The following PM20D2 variants were observed in gnomAD, a reference collection of about 807,000 sequenced individuals.
PM20D2 encodes xaa-Arg dipeptidase.
In PM20D2, 33 loss-of-function variants were observed where a neutral mutation model predicts 42.9. The ratio of observed to expected loss-of-function variants is 0.77; its 90% CI spans 0.58 to 1.03. The LOEUF (loss-of-function observed/expected upper bound fraction) is 1.03, where lower values mean the gene tolerates loss of function less well. PM20D2 is among the 50% of genes least tolerant of loss of function. The pLI is 0.00. For missense variants in PM20D2, 548 were observed against 557.0 expected (o/e 0.98, Z 0.16); for synonymous variants, 250 against 228.2 (o/e 1.10, Z -0.86).
chr6:89,124,300 C>A, the PM20D2 span, among the ~76,000 whole-genome samples: 1 of 152,186 alleles, frequency 6.6e-6, no homozygotes, highest in African/African-American at 2.4e-5. Context: ...AGTTTTAACT[C>A]TCACACTATG....
At chr6:89,122,426 C>T in the PM20D2 span, among the ~76,000 whole-genome samples, 2 of 152,114 alleles carry the variant, frequency 1.3e-5, no homozygotes, top group Non-Finnish European at 2.9e-5. Flanking sequence ...GCAATACATA[C>T]GATATTTGTT....
chr6:89,145,064 A>G (rs1335919550), upstream of PM20D2, among the ~76,000 whole-genome samples: 3 of 152,244 alleles, frequency 2.0e-5, no homozygotes, highest in African/African-American at 7.2e-5. Flanking sequence ...CCCATTTAAC[A>G]TAGTTGAGAC....
At chr6:89,117,750 CG>C in the PM20D2 span, 1 of 1,435,138 alleles carries the variant, frequency 7.0e-7, no homozygotes, top group Non-Finnish European at 9.2e-7. Flanking sequence ...CGCCGGGCCT[CG>C]GCCGTGCTCC....
the PM20D2 span, chr6:89,107,178 C>A: frequency 2.5e-6 from 4 of 1,613,882 alleles, no homozygotes; most frequent in Admixed American, 6.7e-5. Flanking sequence ...TCCTCTTGGG[C>A]GGCGAGTGTA....
the PM20D2 span, among the ~76,000 whole-genome samples, chr6:89,094,360 A>G: frequency 6.6e-6 from 1 of 151,922 alleles, no homozygotes; most frequent in African/African-American, 2.4e-5. Flanking sequence ...AGCTGGGATT[A>G]CAGGGTGTGC....
chr6:89,095,763 A>G, the PM20D2 span, among the ~76,000 whole-genome samples: 1 of 152,224 alleles, frequency 6.6e-6, no homozygotes, highest in Non-Finnish European at 1.5e-5. Context: ...ACACCGAAAA[A>G]TATCAGCTGC....
chr6:89,143,999 G>T (rs2127769814), upstream of PM20D2, among the ~76,000 whole-genome samples: 2 of 152,360 alleles, frequency 1.3e-5, no homozygotes, highest in Middle Eastern at 3.4e-3. Flanking sequence ...GGGGAATGCA[G>T]TGGGAAAACA....
chr6:89,106,913 G>A, the PM20D2 span: 1 of 538,510 alleles, frequency 1.9e-6, no homozygotes. Flanking sequence ...ACTCCTTGAT[G>A]CTTGAACTTT....
chr6:89,117,579 G>T, the PM20D2 span, among the ~76,000 whole-genome samples: 1 of 152,182 alleles, frequency 6.6e-6, no homozygotes, highest in East Asian at 1.9e-4. Flanking sequence ...AAAGCGACGC[G>T]GGCCCGGGAC....
chr6:89,152,350 T>C (rs1178935841), intron 2 of PM20D2, among the ~76,000 whole-genome samples: 1 of 152,104 alleles, frequency 6.6e-6, no homozygotes, highest in East Asian at 1.9e-4. Flanking sequence ...AAAAGTGTTA[T>C]CAAAGCACGT....
the PM20D2 span, among the ~76,000 whole-genome samples, chr6:89,133,871 ATATTT>A: frequency 1.3e-5 from 2 of 151,328 alleles, no homozygotes; most frequent in Admixed American, 6.6e-5. Context: ...AACACCAGAC[ATATTT>A]TATATGGGAG....
the PM20D2 span, among the ~76,000 whole-genome samples, chr6:89,125,435 G>A: frequency 3.3e-5 from 5 of 151,778 alleles, no homozygotes; most frequent in Non-Finnish European, 5.9e-5. Flanking sequence ...AGCCGAGACC[G>A]CGCCACTGCA....
At chr6:89,157,347 ATC>A (rs1465262489) in intron 4 of PM20D2, among the ~76,000 whole-genome samples, 1 of 152,202 alleles carries the variant, frequency 6.6e-6, no homozygotes, top group African/African-American at 2.4e-5. Flanking sequence ...AAGAAATGTC[ATC>A]TCTGCCATTT....
intron 6 of PM20D2, 67 bp from the exon 7 acceptor site, chr6:89,162,042 A>G: frequency 6.4e-7 from 1 of 1,560,248 alleles, no homozygotes; most frequent in Non-Finnish European, 8.8e-7. Context: ...AGATACGGGT[A>G]GCTAACCTGT....
At chr6:89,105,656 T>C in the PM20D2 span, 18 of 637,756 alleles carry the variant, frequency 2.8e-5, no homozygotes, top group African/African-American at 3.4e-4. Context: ...ACATCTTCAA[T>C]ATAATATGAA....
the PM20D2 span, among the ~76,000 whole-genome samples, chr6:89,103,444 T>G: frequency 6.6e-6 from 1 of 152,052 alleles, no homozygotes; most frequent in Non-Finnish European, 1.5e-5. Flanking sequence ...TTCTCCTGCC[T>G]CAGCCTCCCA....
chr6:89,164,020 A>G lies in PM20D2; in HGVS notation c.*1757A>G. On this transcript the variant is annotated 3_prime_UTR_variant, in exon 7 of 7. Coordinates refer to ENST00000275072, the MANE Select transcript of PM20D2 (RefSeq NM_001010853.3). ...ACTATGAATTACTAAATTGCTATATACCATGTAATAGTGAGTATAGCTAAT... is the reference window on the plus strand; with the variant it reads ...ACTATGAATTACTAAATTGCTATATGCCATGTAATAGTGAGTATAGCTAAT... 1 of 152,160 alleles carries G rather than the reference A, an allele frequency of 6.6e-6. No homozygotes were observed. Among genetic ancestry groups the G allele is most frequent in the East Asian group, 1.9e-4 (1 of 5,198 alleles). 9.4% of individuals were successfully genotyped at this position (152,160 alleles called of 1,614,324 possible). A position where few individuals can be genotyped will look rare whatever the true frequency, so the allele number is the denominator to read the frequency against.
At chr6:89,133,340 ATC>A in the PM20D2 span, among the ~76,000 whole-genome samples, 1 of 151,304 alleles carries the variant, frequency 6.6e-6, no homozygotes, top group South Asian at 2.1e-4. Context: ...TTTAATATAA[ATC>A]TCATAATTAT....
At position 89,146,250 on chromosome 6, in the gene PM20D2, G is replaced by A. The variant is rs1201986184; in HGVS notation, c.106G>A (p.Glu36Lys). Residue 36 changes from glutamate to lysine, a missense_variant, in exon 1 of 7, where the codon GAG (glutamate) becomes AAG (lysine). Glu to Lys is a moderately conservative substitution (Grantham distance 56, BLOSUM62 1). Around this residue, in one of 3 missense-constraint regions of PM20D2, gnomAD observed 470 missense variants for 464.4 expected, o/e 1.01. Coordinates refer to ENST00000275072, the MANE Select transcript of PM20D2 (RefSeq NM_001010853.3). ...GGCGGAGTGCATCGACGAGGCGGCC[G>A]AGCGGCTGGGGGCCCTGAGCCGCGC... is the stretch of plus-strand genomic sequence containing the variant. ...RSAECIDEAA[E>K]RLGALSRAIW... 1.9e-6 allele frequency: 3 copies of A among 1,578,462 alleles called. No individual in the cohort carries two copies. Among genetic ancestry groups the A allele is most frequent in the Non-Finnish European group, 1.7e-6 (2 of 1,170,060 alleles).
Sources: gnomAD v4.1 joint callset for allele counts (sites outside exome capture counted in the v4.1 genomes callset) on GRCh38, gnomAD v4.1.1 for gene constraint, gnomAD v4.1.1 regional missense constraint, MANE v1.5 for transcripts, NCBI Gene and HGNC (gene_info 2026-07-23, HGNC 2026-07-21) for gene names.